Variants in XIRP2 observed in about 807,000 individuals in gnomAD.
XIRP2 encodes xin actin-binding repeat-containing protein 2.
Under a neutral mutation model 277.0 loss-of-function variants are expected in XIRP2, and 236 were observed. The observed-to-expected ratio is 0.85, with a 90% CI of 0.77 to 0.95. The LOEUF is 0.95. Ranked by LOEUF, XIRP2 falls within the 40% of genes least tolerant of loss-of-function variation. The pLI is 0.00. For synonymous variants in XIRP2, 1,490 were observed against 1,416.5 expected (o/e 1.05, Z -1.17); for missense variants, 4,640 against 4,157.5 (o/e 1.12, Z -3.19).
chr2:167,241,602 G>T (rs1358676724), intron 7 of XIRP2, among the ~76,000 whole-genome samples, 175 bp from the exon 8 acceptor site: 1 of 152,048 alleles, frequency 6.6e-6, no homozygotes, highest in Admixed American at 6.6e-5. Context: ...TAGAGACAGG[G>T]TCTGGCTATG....
At chr2:166,934,242 G>T (rs1233074864) in intron 2 of XIRP2, among the ~76,000 whole-genome samples, 3 of 143,286 alleles carry the variant, frequency 2.1e-5, no homozygotes, top group African/African-American at 5.3e-5. Flanking sequence ...TCTCTTGCTT[G>T]CTTTGAAGAA....
At chr2:167,226,921 C>T (rs1330339954) in intron 5 of XIRP2, among the ~76,000 whole-genome samples, 1 of 152,160 alleles carries the variant, frequency 6.6e-6, no homozygotes, top group Non-Finnish European at 1.5e-5. Context: ...GAACTCTGAG[C>T]ATTTAAGCCC....
chr2:166,918,112 A>G (rs761217207), intron 2 of XIRP2, among the ~76,000 whole-genome samples: 25 of 152,202 alleles, frequency 1.6e-4, no homozygotes, highest in Admixed American at 9.8e-4. Context: ...CAGTAAATCA[A>G]TAAGTCTGAT....
intron 2 of XIRP2, among the ~76,000 whole-genome samples, chr2:167,076,891 G>T (rs888297144): frequency 1.2e-4 from 18 of 152,084 alleles, no homozygotes; most frequent in African/African-American, 1.9e-4. Context: ...GAGTGCAGTG[G>T]GGCAATCTCG....
In XIRP2 at chr2:167,251,463, G is replaced by A. The variant is rs1281589179; in HGVS notation, c.10071G>A (p.Lys3357=). The change falls in exon 9 of 11, where the codon AAG becomes AAA. Residue 3357 remains lysine, a synonymous_variant. Transcript: ENST00000409195. The part of the protein sequence containing the change: ...EAKSNRRVYA[K]GETNHNIQQE... ...AGTCAAATAGAAGAGTTTATGCAAAGGGAGAAACAAACCATAACATACAAC... is the reference window on the plus strand; with the variant it reads ...AGTCAAATAGAAGAGTTTATGCAAAAGGAGAAACAAACCATAACATACAAC... 6.2e-7 allele frequency: 1 copy of A among 1,613,560 alleles called. No homozygotes were observed. The highest frequency in any genetic ancestry group is 1.7e-5 in the Admixed American group (1 of 59,974).
At chr2:167,201,213 A>AGAAG (rs1693685996) in intron 3 of XIRP2, among the ~76,000 whole-genome samples, 2 of 115,076 alleles carry the variant, frequency 1.7e-5, no homozygotes, top group Non-Finnish European at 3.6e-5. Flanking sequence ...AAAGAAAGAA[A>AGAAG]GAAAGAAAGA....
intron 3 of XIRP2, among the ~76,000 whole-genome samples, chr2:167,138,078 T>C (rs1691607499): frequency 6.6e-6 from 1 of 152,196 alleles, no homozygotes; most frequent in Non-Finnish European, 1.5e-5. Flanking sequence ...TAAACACATG[T>C]TTCTAAATAA....
chr2:166,917,936 T>C (rs1478625392), intron 2 of XIRP2, among the ~76,000 whole-genome samples: 1 of 152,206 alleles, frequency 6.6e-6, no homozygotes, highest in Non-Finnish European at 1.5e-5. Flanking sequence ...CTGATTTTCA[T>C]ACTCTATCAG....
At chr2:166,973,359 C>T (rs1686626696) in intron 2 of XIRP2, among the ~76,000 whole-genome samples, 1 of 152,134 alleles carries the variant, frequency 6.6e-6, no homozygotes, top group Admixed American at 6.5e-5. Flanking sequence ...CTGTCATTAT[C>T]TTTTAACTTC....
intron 3 of XIRP2, among the ~76,000 whole-genome samples, chr2:167,168,069 G>A (rs569303427): frequency 1.4e-4 from 21 of 152,100 alleles, no homozygotes; most frequent in African/African-American, 4.8e-4. Flanking sequence ...TTGCTTGCAG[G>A]GTTTCTGATG....
At chr2:166,910,055 A>T (rs1405872064) in intron 2 of XIRP2, among the ~76,000 whole-genome samples, 1 of 152,140 alleles carries the variant, frequency 6.6e-6, no homozygotes, top group Admixed American at 6.6e-5. Context: ...TTCATCAGAG[A>T]TATTGGTCTA....
intron 2 of XIRP2, among the ~76,000 whole-genome samples, chr2:166,977,981 A>G (rs550320584): frequency 6.8e-4 from 104 of 152,328 alleles, no homozygotes; most frequent in Non-Finnish European, 1.1e-3. Flanking sequence ...ATTTACAAGT[A>G]TAAATTTTCC....
intron 2 of XIRP2, among the ~76,000 whole-genome samples, chr2:167,028,958 T>C (rs961929588): frequency 4.6e-5 from 7 of 151,604 alleles, no homozygotes; most frequent in Admixed American, 1.3e-4. Context: ...AACAGCAGAA[T>C]TGATCAAGCA....
intron 2 of XIRP2, among the ~76,000 whole-genome samples, chr2:167,046,585 TGCA>T (rs1241425196): frequency 6.6e-6 from 1 of 151,986 alleles, no homozygotes; most frequent in Non-Finnish European, 1.5e-5. Flanking sequence ...TGGAATACTG[TGCA>T]GCCATAAAAA....
intron 2 of XIRP2, among the ~76,000 whole-genome samples, chr2:167,069,375 G>A (rs1350152933): frequency 1.3e-5 from 2 of 152,158 alleles, no homozygotes; most frequent in African/African-American, 4.8e-5. Context: ...GGACTGTGCT[G>A]AGTTGAACCC....
At chr2:167,003,228 GA>G (rs10714116) in intron 2 of XIRP2, among the ~76,000 whole-genome samples, 50,319 of 150,192 alleles carry the variant, frequency 0.34, 9,226 homozygotes, top group African/African-American at 0.48. Context: ...GGCATAGGTA[GA>G]AAAAAAAAGA....
In XIRP2 at chr2:167,024,386, A is replaced by G. The variant is rs561981123; in HGVS notation, c.409-111523A>G. Among the ~76,000 whole-genome samples, 43 of 152,108 alleles carry G rather than the reference A, an allele frequency of 2.8e-4. 1 individual carries two copies. Among genetic ancestry groups the G allele is most frequent in the Non-Finnish European group, 7.3e-5 (5 of 68,036 alleles). On this transcript the variant is annotated intron_variant, in intron 2 of 10. Transcript: ENST00000409195. ...GATGGAGTTTTCTAGATATGCAATC[A>G]TGTCATCTGCAAACAGGGACAATTT...
chr2:167,157,317 T>G (rs1053588368), intron 3 of XIRP2, among the ~76,000 whole-genome samples: 5 of 152,162 alleles, frequency 3.3e-5, no homozygotes, highest in African/African-American at 1.2e-4. Context: ...ATCAATCTAT[T>G]TATTCCATAT....
chr2:167,081,808 T>A (rs553733374), intron 2 of XIRP2, among the ~76,000 whole-genome samples: 1 of 152,314 alleles, frequency 6.6e-6, no homozygotes, highest in East Asian at 1.9e-4. Context: ...TTAAAAATAT[T>A]CAAGGGATAT....
Sources: allele counts gnomAD v4.1 joint callset (sites outside exome capture counted in the v4.1 genomes callset), GRCh38; gene constraint gnomAD v4.1.1; transcripts MANE v1.5; gene names NCBI Gene and HGNC (gene_info 2026-07-23, HGNC 2026-07-21).